ST8SIA5: variants seen among roughly 807,000 people sequenced by gnomAD.
ST8SIA5 encodes the protein alpha-2,8-sialyltransferase 8E.
ST8SIA5 carries 24 observed loss-of-function variants against 40.2 expected under a neutral mutation model. The ratio of observed to expected loss-of-function variants is 0.60; its 90% CI spans 0.43 to 0.84. The LOEUF is 0.84. Ranked by LOEUF, ST8SIA5 falls within the 40% of genes least tolerant of loss-of-function variation. The pLI, the probability that ST8SIA5 is intolerant of heterozygous loss-of-function variation, is 0.00. For synonymous variants in ST8SIA5, 198 were observed against 201.8 expected (o/e 0.98, Z 0.16); for missense variants, 465 against 498.5 (o/e 0.93, Z 0.64).
intron 2 of ST8SIA5, among the ~76,000 whole-genome samples, chr18:46,702,934 C>T (rs776078302): frequency 6.6e-6 from 1 of 152,214 alleles, no homozygotes; most frequent in Non-Finnish European, 1.5e-5. Flanking sequence ...TGCAGCTAAT[C>T]CCAGCTGGAT....
chr18:46,698,411 C>A (rs1016065627), intron 2 of ST8SIA5, among the ~76,000 whole-genome samples: 1 of 151,394 alleles, frequency 6.6e-6, no homozygotes, highest in East Asian at 2.0e-4. Flanking sequence ...CAACAACAAT[C>A]AAAACAATCC....
chr18:46,719,556 G>C (rs1354107779), intron 1 of ST8SIA5, among the ~76,000 whole-genome samples: 1 of 152,156 alleles, frequency 6.6e-6, no homozygotes, highest in Non-Finnish European at 1.5e-5. Context: ...GTTAGGAATG[G>C]AGCCCATGCA....
chr18:46,739,205 G>A (rs529836027), intron 1 of ST8SIA5, among the ~76,000 whole-genome samples: 55 of 152,240 alleles, frequency 3.6e-4, no homozygotes, highest in African/African-American at 1.2e-3. Flanking sequence ...CGGAGGCAGC[G>A]TGGGTGAAGG....
intron 1 of ST8SIA5, among the ~76,000 whole-genome samples, chr18:46,739,313 G>A (rs1438699240): frequency 3.3e-5 from 5 of 152,158 alleles, no homozygotes; most frequent in African/African-American, 9.7e-5. Flanking sequence ...AGGCTGAGGC[G>A]GGTGGATCAC....
Position 46,694,776 on chromosome 18 carries a change from C to T in ST8SIA5, c.225-2521G>A, listed in dbSNP as rs953473792. On this transcript the variant is annotated intron_variant, in intron 2 of 6. Coordinates refer to ENST00000315087, the MANE Select transcript of ST8SIA5 (RefSeq NM_013305.6). ...GGCAAAATCCATGTCTATCCACCCA[C>T]GTGCATATCTTTGGGGAGAATCTGA... Among the ~76,000 whole-genome samples, 9 of 151,974 alleles carry T rather than the reference C, an allele frequency of 5.9e-5. No homozygotes were observed. In the South Asian group the frequency reaches 1.0e-3, roughly 17 times the overall value.
At position 46,672,464 on chromosome 18, in the gene ST8SIA5, A is replaced by G. The variant is rs1233968288; in HGVS notation, c.*7578T>C. The G allele has an allele frequency of 6.6e-6, 1 of 152,192 alleles. No homozygotes were observed. The highest frequency in any genetic ancestry group is 1.5e-5 in the Non-Finnish European group (1 of 68,036). The allele number at this position is 152,192 out of a possible 1,614,324, so 9.4% of individuals were successfully genotyped here. A position where few individuals can be genotyped will look rare whatever the true frequency, so the allele number is the denominator to read the frequency against. ...TAGAGAAAACAGAACTTTTACCCCA[A>G]AGCTGAGCAGATCATTTAGTTGAAG... On this transcript the variant is annotated 3_prime_UTR_variant, in exon 7 of 7. Transcript: ENST00000315087.
intron 2 of ST8SIA5, among the ~76,000 whole-genome samples, chr18:46,700,692 C>T (rs2039604097): frequency 6.6e-6 from 1 of 152,184 alleles, no homozygotes; most frequent in Admixed American, 6.5e-5. Flanking sequence ...AAGCCCAGCT[C>T]AGCCAGGGGC....
intron 1 of ST8SIA5, among the ~76,000 whole-genome samples, chr18:46,729,592 A>C (rs1259594591): frequency 1.3e-5 from 2 of 152,164 alleles, no homozygotes; most frequent in Non-Finnish European, 2.9e-5. Context: ...GCAAACTCCC[A>C]CCCAAGAGAC....
chr18:46,732,254 T>A (rs2039992510), intron 1 of ST8SIA5, among the ~76,000 whole-genome samples: 1 of 152,170 alleles, frequency 6.6e-6, no homozygotes, highest in Non-Finnish European at 1.5e-5. Context: ...GAGTGCACCA[T>A]CAGCCATCAC....
chr18:46,712,625 G>T (rs1310846696), intron 1 of ST8SIA5, among the ~76,000 whole-genome samples: 1 of 152,110 alleles, frequency 6.6e-6, no homozygotes, highest in Non-Finnish European at 1.5e-5. Context: ...CTCCTCCATG[G>T]CCTGTCTGCG....
intron 5 of ST8SIA5, among the ~76,000 whole-genome samples, chr18:46,683,695 C>G (rs60527148): frequency 0.024 from 3,720 of 151,950 alleles, 147 homozygotes; most frequent in African/African-American, 0.086. Flanking sequence ...CCCTCTCTAT[C>G]AGACCACTAT....
At chr18:46,707,737 C>G (rs1049266916) in intron 1 of ST8SIA5, among the ~76,000 whole-genome samples, 1 of 152,204 alleles carries the variant, frequency 6.6e-6, no homozygotes, top group Non-Finnish European at 1.5e-5. Flanking sequence ...CTGGGAGGTA[C>G]TGCAGGCAGA....
intron 1 of ST8SIA5, among the ~76,000 whole-genome samples, chr18:46,713,916 A>C (rs1220617695): frequency 6.6e-6 from 1 of 152,134 alleles, no homozygotes; most frequent in African/African-American, 2.4e-5. Context: ...AGGAGGGCTG[A>C]GTGAGTGTCC....
chr18:46,722,087 G>T (rs1260817568), intron 1 of ST8SIA5, among the ~76,000 whole-genome samples: 1 of 152,208 alleles, frequency 6.6e-6, no homozygotes, highest in Non-Finnish European at 1.5e-5. Flanking sequence ...CCACCAGACA[G>T]TGGACATCTT....
chr18:46,752,314 C>T (rs184768146), intron 1 of ST8SIA5, among the ~76,000 whole-genome samples: 94 of 152,236 alleles, frequency 6.2e-4, no homozygotes, highest in Non-Finnish European at 1.1e-3. Context: ...TTCCCAATAG[C>T]CACCGGCTCC....
At chr18:46,740,412 A>G (rs1175155731) in intron 1 of ST8SIA5, among the ~76,000 whole-genome samples, 3 of 152,230 alleles carry the variant, frequency 2.0e-5, no homozygotes, top group African/African-American at 7.2e-5. Flanking sequence ...AGTAATCACA[A>G]TAAATGTAAA....
intron 1 of ST8SIA5, among the ~76,000 whole-genome samples, chr18:46,729,868 C>T (rs561488191): frequency 1.6e-4 from 24 of 151,840 alleles, no homozygotes; most frequent in African/African-American, 4.6e-4. Context: ...GTGGGGTCCT[C>T]GGAAGAGTCC....
chr18:46,732,666 T>C (rs2039995964), intron 1 of ST8SIA5, among the ~76,000 whole-genome samples: 1 of 152,186 alleles, frequency 6.6e-6, no homozygotes, highest in South Asian at 2.1e-4. Flanking sequence ...AAGAAAATCA[T>C]TCACAAACGT....
chr18:46,735,554 G>GCCTC, intron 1 of ST8SIA5, among the ~76,000 whole-genome samples: 1 of 152,196 alleles, frequency 6.6e-6, no homozygotes, highest in Non-Finnish European at 1.5e-5. Context: ...TTGGTGAAAT[G>GCCTC]AGAATTGATG....
Sources: allele counts gnomAD v4.1 joint callset (sites outside exome capture counted in the v4.1 genomes callset), GRCh38; gene constraint gnomAD v4.1.1; transcripts MANE v1.5; gene names NCBI Gene and HGNC (gene_info 2026-07-23, HGNC 2026-07-21).